Variants in SSBP3 observed in about 807,000 individuals in gnomAD.
The protein encoded by SSBP3 is single stranded DNA binding protein 3.
Under a neutral mutation model 69.6 loss-of-function variants are expected in SSBP3, and 5 were observed. The ratio of observed to expected loss-of-function variants is 0.07; its 90% CI spans 0.04 to 0.15. The LOEUF is 0.15. SSBP3 is among the 10% of genes least tolerant of loss of function. The pLI is 1.00. For missense variants in SSBP3, 312 were observed against 534.0 expected (o/e 0.58, Z 4.10); for synonymous variants, 196 against 193.4 (o/e 1.01, Z -0.11).
At position 54,258,451 on chromosome 1, in the gene SSBP3, G is replaced by A. The variant is rs1233224987; in HGVS notation, c.367-302C>T. Among the ~76,000 whole-genome samples, 2 of 152,232 alleles carry A rather than the reference G, an allele frequency of 1.3e-5. No individual in the cohort carries two copies. Among genetic ancestry groups the A allele is most frequent in the Non-Finnish European group, 2.9e-5 (2 of 68,044 alleles). On this transcript the variant is annotated intron_variant, in intron 5 of 17. Transcript: ENST00000610401. This position sits in a 1 kb window ranked among gnomAD's most constrained non-coding sequence, Gnocchi z 4.5. ...GTCCTGGACACAGCCTACCCTTGGA[G>A]CGGAGTTTGCCATGTTAAATACGTT...
chr1:54,343,488 C>T (rs991016711), intron 4 of SSBP3, among the ~76,000 whole-genome samples: 1 of 152,196 alleles, frequency 6.6e-6, no homozygotes. Context: ...GAAGGTAAAA[C>T]GGACACTAAG....
At chr1:54,278,018 C>T (rs1041104292) in intron 5 of SSBP3, among the ~76,000 whole-genome samples, 5 of 152,244 alleles carry the variant, frequency 3.3e-5, no homozygotes, top group African/African-American at 1.2e-4. Context: ...CAGAGACCAC[C>T]TGGTCCAGCC....
chr1:54,409,996 T>A (rs1160607224), upstream of SSBP3, among the ~76,000 whole-genome samples: 3 of 152,140 alleles, frequency 2.0e-5, no homozygotes, highest in African/African-American at 7.2e-5. Flanking sequence ...CCCTCTGAAC[T>A]CCCAGTTCGG....
intron 4 of SSBP3, among the ~76,000 whole-genome samples, chr1:54,394,007 G>C (rs368155774): frequency 6.6e-6 from 1 of 152,194 alleles, no homozygotes; most frequent in African/African-American, 2.4e-5. Flanking sequence ...TGATTCGCCT[G>C]CCTCGGCCTC....
intron 7 of SSBP3, among the ~76,000 whole-genome samples, chr1:54,256,633 T>G (rs1445092668): frequency 6.6e-6 from 1 of 152,210 alleles, no homozygotes; most frequent in African/African-American, 2.4e-5. Context: ...ACAAATCTCC[T>G]GCTCTGCTGC....
At chr1:54,286,867 G>T (rs1406354554) in intron 4 of SSBP3, 1 of 152,164 alleles carries the variant, frequency 6.6e-6, no homozygotes, top group Non-Finnish European at 1.5e-5. Flanking sequence ...CGGGCATAGG[G>T]ACCTTTCATG....
At chr1:54,289,953 T>C (rs918210279) in intron 4 of SSBP3, among the ~76,000 whole-genome samples, 1 of 152,110 alleles carries the variant, frequency 6.6e-6, no homozygotes, top group Non-Finnish European at 1.5e-5. Flanking sequence ...ATGGTGTGGC[T>C]CATCCAGTCT....
chr1:54,237,182 G>A (rs368640752), intron 14 of SSBP3: 2 of 152,206 alleles, frequency 1.3e-5, no homozygotes, highest in African/African-American at 4.8e-5. Flanking sequence ...TGACGCACTC[G>A]GAAGCACGAA....
At chr1:54,281,310 C>G in intron 5 of SSBP3, 128 bp downstream of exon 5, 2 of 696,450 alleles carry the variant, frequency 2.9e-6, no homozygotes, top group Non-Finnish European at 4.8e-6. Context: ...GGATTTGAAC[C>G]AGCATAAAGC....
chr1:54,335,283 T>C (rs1646489494), intron 4 of SSBP3, among the ~76,000 whole-genome samples: 1 of 152,222 alleles, frequency 6.6e-6, no homozygotes, highest in East Asian at 1.9e-4. Context: ...TGGAGAGCAA[T>C]ATGTTTCATT....
At chr1:54,302,724 A>G (rs1459515580) in intron 4 of SSBP3, among the ~76,000 whole-genome samples, 1 of 152,238 alleles carries the variant, frequency 6.6e-6, no homozygotes. Flanking sequence ...CACTGACGTG[A>G]TATCAACCAG....
intron 4 of SSBP3, among the ~76,000 whole-genome samples, chr1:54,359,982 C>T (rs1413940239): frequency 6.6e-6 from 1 of 152,144 alleles, no homozygotes; most frequent in Non-Finnish European, 1.5e-5. Context: ...ACTCAACCGC[C>T]AACACCTTCA....
Position 54,404,987 on chromosome 1 carries a change from G to C in SSBP3, c.57-57C>G, listed in dbSNP as rs1022607948. On this transcript the variant is annotated intron_variant, in intron 1 of 17. Transcript: ENST00000610401. ...GGGAAAGGCGTCAGATCCCACCGGC[G>C]CTCTCCAGGACCTTGCCAGCAGGCT... 11 of 1,487,066 alleles carry C rather than the reference G, an allele frequency of 7.4e-6. No homozygotes were observed. In the South Asian group the frequency reaches 1.2e-4, roughly 16 times the overall value. The allele number at this position is 1,487,066 out of a possible 1,614,324, so 92.1% of individuals were successfully genotyped here. A position where few individuals can be genotyped will look rare whatever the true frequency, so the allele number is the denominator to read the frequency against.
chr1:54,331,906 A>G (rs1368941806), intron 4 of SSBP3, among the ~76,000 whole-genome samples: 2 of 152,234 alleles, frequency 1.3e-5, no homozygotes, highest in Non-Finnish European at 2.9e-5. Flanking sequence ...CCACCAGTCC[A>G]TGTCATCTGC....
At chr1:54,393,791 G>A (rs910551305) in intron 4 of SSBP3, among the ~76,000 whole-genome samples, 4 of 151,810 alleles carry the variant, frequency 2.6e-5, no homozygotes, top group Non-Finnish European at 4.4e-5. Flanking sequence ...ACTGAGTCTC[G>A]CTCTATTGCC....
In SSBP3 at chr1:54,344,173, G is replaced by GA. The variant is rs573349884; in HGVS notation, c.276+57687dup. ...CTTGTAAGGGCAGAGAAACGTTGAG[G>GA]AAAAAAAAAGTCACACCAAGACATG... On this transcript the variant is annotated intron_variant, in intron 4 of 17. Coordinates refer to ENST00000610401, the Ensembl canonical transcript of SSBP3. Among the ~76,000 whole-genome samples, 1,011 of 150,478 alleles carry GA rather than the reference G, an allele frequency of 6.7e-3. 21 individuals carry two copies. Among genetic ancestry groups the GA allele is most frequent in the African/African-American group, 0.023 (953 of 41,038 alleles).
chr1:54,283,965 C>T (rs138892935), intron 4 of SSBP3, among the ~76,000 whole-genome samples: 26 of 152,308 alleles, frequency 1.7e-4, no homozygotes, highest in African/African-American at 6.0e-4. Flanking sequence ...CCAACAATTA[C>T]TCCTCAGCAG....
At chr1:54,225,485 A>C (rs1644271852) in exon 18 of SSBP3, 1 of 1,142,280 alleles carries the variant, frequency 8.8e-7, no homozygotes, top group Non-Finnish European at 1.1e-6. Flanking sequence ...ATCGTACACA[A>C]ACTACAATGT....
chr1:54,390,360 C>T (rs1026031603), intron 4 of SSBP3, among the ~76,000 whole-genome samples: 8 of 152,114 alleles, frequency 5.3e-5, no homozygotes, highest in Non-Finnish European at 7.4e-5. Context: ...CCCAGGGACC[C>T]GCGGCAAACA....
Sources: allele counts gnomAD v4.1 joint callset (sites outside exome capture counted in the v4.1 genomes callset), GRCh38; gene constraint gnomAD v4.1.1; non-coding constraint Gnocchi (gnomAD v3.1); transcripts MANE v1.5; gene names NCBI Gene and HGNC (gene_info 2026-07-23, HGNC 2026-07-21).